The following FREM1 variants were observed in gnomAD, a reference collection of about 807,000 sequenced individuals.
FREM1 encodes FRAS1 related extracellular matrix 1.
FREM1 carries 220 observed loss-of-function variants against 210.1 expected under a neutral mutation model. The observed-to-expected ratio is 1.05, with a 90% CI of 0.94 to 1.17. FREM1 has a LOEUF of 1.17. Ranked by LOEUF, FREM1 falls within the 50% of genes most tolerant of loss-of-function variation. FREM1 has a pLI of 0.00. For synonymous variants in FREM1, 1,189 were observed against 980.2 expected (o/e 1.21, Z -3.98); for missense variants, 3,454 against 2,675.5 (o/e 1.29, Z -6.42).
In FREM1 at chr9:14,870,979, T is replaced by C. The variant is rs542773515; in HGVS notation, c.-267-1735A>G. On this transcript the variant is annotated intron_variant, in intron 1 of 36. Transcript: ENST00000380880. ...TTCATCCATGTCCCTACAAAGGACATGAACTCATCATTTTTTATGGCTGCA... is the reference window on the plus strand; with the variant it reads ...TTCATCCATGTCCCTACAAAGGACACGAACTCATCATTTTTTATGGCTGCA... Among the ~76,000 whole-genome samples, 27 of 152,178 alleles carry C rather than the reference T, an allele frequency of 1.8e-4. 1 individual carries two copies. In the East Asian group the frequency reaches 5.0e-3, roughly 28 times the overall value.
intron 29 of FREM1, among the ~76,000 whole-genome samples, chr9:14,754,325 A>T (rs575109599): frequency 6.6e-6 from 1 of 152,206 alleles, no homozygotes; most frequent in Non-Finnish European, 1.5e-5. Flanking sequence ...CAGCACATAA[A>T]TAACAGGAAT....
chr9:14,764,232 C>T (rs996662912), intron 27 of FREM1, among the ~76,000 whole-genome samples: 2 of 152,166 alleles, frequency 1.3e-5, no homozygotes, highest in African/African-American at 4.8e-5. Flanking sequence ...GTGAGTCCTC[C>T]CCAACTATTT....
chr9:14,771,499 C>T (rs1356881481), intron 25 of FREM1, among the ~76,000 whole-genome samples: 1 of 152,112 alleles, frequency 6.6e-6, no homozygotes, highest in Non-Finnish European at 1.5e-5. Context: ...ACTGTAGGTT[C>T]AAACACAACA....
At chr9:14,741,512 C>T (rs1241873920) in intron 35 of FREM1, among the ~76,000 whole-genome samples, 1 of 152,196 alleles carries the variant, frequency 6.6e-6, no homozygotes, top group Non-Finnish European at 1.5e-5. Context: ...CTCTCAGCTC[C>T]TGTCTGACAG....
chr9:14,791,361 A>G (rs1037481164), intron 22 of FREM1, among the ~76,000 whole-genome samples: 3 of 152,188 alleles, frequency 2.0e-5, no homozygotes. Flanking sequence ...TATTGTTTCC[A>G]TGCTTATTTG....
intron 7 of FREM1, among the ~76,000 whole-genome samples, chr9:14,846,572 A>G (rs1163961977): frequency 6.6e-6 from 1 of 152,204 alleles, no homozygotes; most frequent in Non-Finnish European, 1.5e-5. Flanking sequence ...TGACATGCCA[A>G]CGTGCCTGCT....
intron 10 of FREM1, among the ~76,000 whole-genome samples, chr9:14,828,476 C>T (rs10810255): frequency 0.4 from 61,245 of 151,780 alleles, 12,876 homozygotes; most frequent in African/African-American, 0.53. Context: ...TCAGGATGAA[C>T]TGTACCTAAA....
At position 14,856,600 on chromosome 9, in the gene FREM1, G is replaced by A. The variant is rs149562953; in HGVS notation, c.828+953C>T. On this transcript the variant is annotated intron_variant, in intron 5 of 36. Coordinates refer to ENST00000380880, the MANE Select transcript of FREM1 (RefSeq NM_001379081.2). ...CTCAGCTGTTTCACTTTGGGAGGGT[G>A]AGGCAGGTGGATCACGAGGTCAGGA... 2.6e-5 allele frequency among the ~76,000 whole-genome samples: 4 copies of A among 152,188 alleles called. No homozygotes were observed. The East Asian group carries it at 7.7e-4, about 29-fold the overall frequency.
chr9:14,889,824 A>G (rs1387858297), intron 1 of FREM1, among the ~76,000 whole-genome samples: 2 of 152,234 alleles, frequency 1.3e-5, no homozygotes, highest in Non-Finnish European at 2.9e-5. Flanking sequence ...TTTATTGAAT[A>G]TAAGTGCCAT....
chr9:14,860,816 C>CGTATATATACATATATATACGTATATAT (rs1488331325), intron 3 of FREM1, among the ~76,000 whole-genome samples: 8 of 72,162 alleles, frequency 1.1e-4, no homozygotes, highest in East Asian at 5.1e-4. Flanking sequence ...TACATATATA[C>CGTATATATACATATATATACGTATATAT]ACATATATAC....
intron 1 of FREM1, among the ~76,000 whole-genome samples, chr9:14,876,138 C>A (rs548186645): frequency 1.3e-5 from 2 of 151,400 alleles, no homozygotes; most frequent in South Asian, 4.2e-4. Context: ...CAGGGACCCA[C>A]TTGAGGAGGC....
chr9:14,888,240 A>C (rs1337499317), intron 1 of FREM1, among the ~76,000 whole-genome samples: 3 of 152,246 alleles, frequency 2.0e-5, no homozygotes, highest in Non-Finnish European at 2.9e-5. Context: ...AAAGAGGTTA[A>C]GTAACTTGCC....
Position 14,812,709 on chromosome 9 carries a change from T to C in FREM1, c.2893+103A>G, listed in dbSNP as rs1819618719. 40 of 1,211,618 alleles carry C rather than the reference T, an allele frequency of 3.3e-5. No homozygotes were observed. In the East Asian group the frequency reaches 9.7e-4, roughly 29 times the overall value. 75.1% of individuals were successfully genotyped at this position (1,211,618 alleles called of 1,614,324 possible). A position where few individuals can be genotyped will look rare whatever the true frequency, so the allele number is the denominator to read the frequency against. On this transcript the variant is annotated intron_variant, in intron 16 of 36. Coordinates refer to ENST00000380880, the MANE Select transcript of FREM1 (RefSeq NM_001379081.2). ...GGCTGCAGCTGCTTCTTGTTTTTAA[T>C]GGAAGTAACCATTCTGACTGTTTGA...
rs1043739496 is a variant in FREM1, at chr9:14,808,205, A to T, written c.2894-71T>A. 5 of 950,476 alleles carry T rather than the reference A, an allele frequency of 5.3e-6. No homozygotes were observed. The African/African-American group carries it at 8.3e-5, about 16-fold the overall frequency. 58.9% of individuals were successfully genotyped at this position (950,476 alleles called of 1,614,324 possible). On this transcript the variant is annotated intron_variant, in intron 16 of 36. Coordinates refer to ENST00000380880, the MANE Select transcript of FREM1 (RefSeq NM_001379081.2). ...GAATACCAAGATGAAATCTACTCAC[A>T]CCTCTTCTACAAGCATTGAAACAGC...
At chr9:14,864,378 C>T (rs1286412062) in intron 2 of FREM1, among the ~76,000 whole-genome samples, 1 of 151,614 alleles carries the variant, frequency 6.6e-6, no homozygotes, top group Admixed American at 6.6e-5. Context: ...TTTTTTTTTC[C>T]GAATAGTATT....
At chr9:14,866,559 T>C (rs548614396) in intron 2 of FREM1, among the ~76,000 whole-genome samples, 11 of 152,278 alleles carry the variant, frequency 7.2e-5, no homozygotes, top group African/African-American at 2.2e-4. Flanking sequence ...TTTTGCTCAG[T>C]TGGGCATGCA....
Position 14,839,730 on chromosome 9 carries a change from G to A in FREM1, c.1881+1717C>T, listed in dbSNP as rs1015095146. ...CATGATTTATAAAATATATAACAAC[G>A]AAAGAAGAAAAAAGAAGTCCTGAAT... On this transcript the variant is annotated intron_variant, in intron 10 of 36. Coordinates refer to ENST00000380880, the MANE Select transcript of FREM1 (RefSeq NM_001379081.2). Among the ~76,000 whole-genome samples the A allele has an allele frequency of 4.6e-5, 7 of 152,088 alleles. No individual in the cohort carries two copies. The South Asian group carries it at 1.0e-3, about 23-fold the overall frequency.
intron 5 of FREM1, among the ~76,000 whole-genome samples, chr9:14,852,201 T>C (rs1195716387): frequency 1.3e-5 from 2 of 152,208 alleles, no homozygotes; most frequent in African/African-American, 4.8e-5. Flanking sequence ...AAATGAAGAA[T>C]AGTTGCTTGG....
chr9:14,871,382 G>C (rs190122275), intron 1 of FREM1, among the ~76,000 whole-genome samples: 1 of 152,148 alleles, frequency 6.6e-6, no homozygotes. Flanking sequence ...TTGTGGTTTT[G>C]ATTTGCATTT....
Sources: gnomAD v4.1 joint callset for allele counts (sites outside exome capture counted in the v4.1 genomes callset) on GRCh38, gnomAD v4.1.1 for gene constraint, MANE v1.5 for transcripts, NCBI Gene and HGNC (gene_info 2026-07-23, HGNC 2026-07-21) for gene names.